Variants in DPRX observed in about 807,000 individuals in gnomAD.
DPRX encodes divergent-paired related homeobox, also known as divergent paired-related homeobox.
DPRX carries 11 observed loss-of-function variants against 8.4 expected under a neutral mutation model. The ratio of observed to expected loss-of-function variants is 1.31; its 90% CI spans 0.82 to 2.17. The LOEUF is 2.17. DPRX is among the 30% of genes most tolerant of loss of function. The pLI is 0.00. For missense variants in DPRX, 211 were observed against 236.7 expected (o/e 0.89, Z 0.71); for synonymous variants, 72 against 87.0 (o/e 0.83, Z 0.96).
chr19:53,602,269 T>G, the DPRX span: 222 of 68,888 alleles, frequency 3.2e-3, 3 homozygotes, highest in Middle Eastern at 0.022. Flanking sequence ...TGGGTATGGG[T>G]GTGTGTGTGT....
At chr19:53,613,862 T>C in the DPRX span, among the ~76,000 whole-genome samples, 1 of 152,102 alleles carries the variant, frequency 6.6e-6, no homozygotes, top group African/African-American at 2.4e-5. Flanking sequence ...TGAGGATTTT[T>C]TTTTCCTACG....
chr19:53,618,301 C>T, the DPRX span, among the ~76,000 whole-genome samples: 1 of 151,766 alleles, frequency 6.6e-6, no homozygotes, highest in South Asian at 2.1e-4. Flanking sequence ...AGCAAGATTC[C>T]ATGAGCTGAG....
chr19:53,630,639 G>T (rs2091089092), upstream of DPRX, among the ~76,000 whole-genome samples: 1 of 151,398 alleles, frequency 6.6e-6, no homozygotes. Context: ...GCAAGACCCT[G>T]TCTCAAAAAG....
the DPRX span, among the ~76,000 whole-genome samples, chr19:53,608,966 AAAAAAAAAGG>A: frequency 2.4e-3 from 271 of 112,530 alleles, 4 homozygotes; most frequent in African/African-American, 9.5e-3. Flanking sequence ...AAAAAAAAAA[AAAAAAAAAGG>A]AAAGAAAAGA....
the DPRX span, among the ~76,000 whole-genome samples, chr19:53,623,640 A>G: frequency 5.3e-5 from 8 of 151,512 alleles, no homozygotes; most frequent in African/African-American, 1.9e-4. Flanking sequence ...CTCCATCTCA[A>G]AAAAAACAAA....
At chr19:53,624,621 G>A in the DPRX span, among the ~76,000 whole-genome samples, 2 of 151,028 alleles carry the variant, frequency 1.3e-5, no homozygotes, top group Admixed American at 1.3e-4. Context: ...CACCATGTTG[G>A]CCAGGCTGGT....
At chr19:53,635,243 C>CA (rs1001054803) in intron 2 of DPRX, among the ~76,000 whole-genome samples, 266 of 152,102 alleles carry the variant, frequency 1.7e-3, no homozygotes, top group African/African-American at 6.2e-3. Context: ...CTCCTGGTCT[C>CA]AAGTGATTCA....
At chr19:53,603,817 C>G in the DPRX span, among the ~76,000 whole-genome samples, 1 of 149,220 alleles carries the variant, frequency 6.7e-6, no homozygotes, top group Non-Finnish European at 1.5e-5. Context: ...AATCTCAGCT[C>G]ACTGCAACCA....
At chr19:53,608,564 C>T in the DPRX span, 1 of 152,410 alleles carries the variant, frequency 6.6e-6, no homozygotes, top group Non-Finnish European at 1.5e-5. Context: ...CAGGGTTTCC[C>T]GCAGGGGTGA....
chr19:53,636,460 C>CT, intron 2 of DPRX, 136 bp from the exon 3 acceptor site: 1 of 721,094 alleles, frequency 1.4e-6, no homozygotes, highest in Non-Finnish European at 1.9e-6. Flanking sequence ...AAGTTAAAAA[C>CT]TTAAAGGTTA....
the DPRX span, chr19:53,608,278 G>A: frequency 5.3e-5 from 8 of 149,846 alleles, 1 homozygote; most frequent in Non-Finnish European, 7.4e-5. Context: ...TGTGGGTGTC[G>A]TTGGACCACC....
chr19:53,628,371 C>T (rs1387793635), upstream of DPRX, among the ~76,000 whole-genome samples: 2 of 152,126 alleles, frequency 1.3e-5, no homozygotes, highest in Non-Finnish European at 2.9e-5. Context: ...AATAATCAGT[C>T]CTTGGGTTTA....
the DPRX span, chr19:53,601,519 T>A: frequency 8.5e-6 from 3 of 354,180 alleles, no homozygotes; most frequent in South Asian, 6.5e-5. Context: ...TCTTGCTGTG[T>A]CACCCAGGCT....
At chr19:53,620,456 G>GCCC in the DPRX span, among the ~76,000 whole-genome samples, 1 of 151,388 alleles carries the variant, frequency 6.6e-6, no homozygotes, top group East Asian at 2.0e-4. Context: ...TCTGCCCCCT[G>GCCC]GGTTCAAGAG....
chr19:53,625,062 C>CTTTTT, the DPRX span, among the ~76,000 whole-genome samples: 3 of 120,292 alleles, frequency 2.5e-5, no homozygotes, highest in Non-Finnish European at 5.0e-5. Context: ...TCATCATGGG[C>CTTTTT]TTTTTTTTTT....
upstream of DPRX, among the ~76,000 whole-genome samples, chr19:53,631,373 A>C (rs1037168168): frequency 6.6e-6 from 1 of 152,142 alleles, no homozygotes; most frequent in Non-Finnish European, 1.5e-5. Context: ...TGCCAAGCAT[A>C]TATTAGCCAC....
the DPRX span, among the ~76,000 whole-genome samples, chr19:53,625,942 C>G: frequency 1.3e-5 from 2 of 151,350 alleles, no homozygotes; most frequent in East Asian, 3.9e-4. Flanking sequence ...CCAGTGCCCC[C>G]CCTTTTTTGT....
At chr19:53,616,759 A>C in the DPRX span, 1 of 1,486,326 alleles carries the variant, frequency 6.7e-7, no homozygotes, top group South Asian at 1.2e-5. Flanking sequence ...TGTCTCAAAA[A>C]ATAAGAAAAA....
chr19:53,603,017 G>A, the DPRX span, among the ~76,000 whole-genome samples: 20,862 of 138,986 alleles, frequency 0.15, 3,213 homozygotes, highest in East Asian at 0.41. Flanking sequence ...GTGTGTGTGT[G>A]TATATATGTG....
Sources: allele counts gnomAD v4.1 joint callset (sites outside exome capture counted in the v4.1 genomes callset), GRCh38; gene constraint gnomAD v4.1.1; transcripts MANE v1.5; gene names NCBI Gene and HGNC (gene_info 2026-07-23, HGNC 2026-07-21).